The following DAGLA variants were observed in gnomAD, a reference collection of about 807,000 sequenced individuals.
DAGLA encodes the protein diacylglycerol lipase alpha, also known as diacylglycerol lipase-alpha.
A neutral mutation model predicts 102.6 loss-of-function variants in DAGLA; 22 were observed. The observed-to-expected ratio is 0.21, with a 90% CI of 0.15 to 0.31. The LOEUF (loss-of-function observed/expected upper bound fraction) is 0.31. DAGLA is among the 10% of genes least tolerant of loss of function. The pLI is 1.00. For synonymous variants in DAGLA, 578 were observed against 628.9 expected (o/e 0.92, Z 1.21); for missense variants, 927 against 1,446.6 (o/e 0.64, Z 5.83).
At chr11:61,714,544 T>C (rs1423568795) in intron 1 of DAGLA, among the ~76,000 whole-genome samples, 1 of 152,252 alleles carries the variant, frequency 6.6e-6, no homozygotes, top group Non-Finnish European at 1.5e-5. Context: ...AGAGAGGATC[T>C]CAGCCCAGGC....
At chr11:61,694,654 C>T (rs1355201243) in intron 1 of DAGLA, among the ~76,000 whole-genome samples, 3 of 152,248 alleles carry the variant, frequency 2.0e-5, no homozygotes, top group Admixed American at 2.0e-4. Context: ...CCATTTCCGG[C>T]AGCCCTGAAT....
At chr11:61,700,327 C>T (rs2065099776) in intron 1 of DAGLA, among the ~76,000 whole-genome samples, 1 of 152,210 alleles carries the variant, frequency 6.6e-6, no homozygotes, top group Non-Finnish European at 1.5e-5. Context: ...GGCCCTCCTG[C>T]AAGGAGAGCC....
chr11:61,725,034 G>A (rs1223787782), intron 5 of DAGLA, among the ~76,000 whole-genome samples: 1 of 152,110 alleles, frequency 6.6e-6, no homozygotes, highest in Non-Finnish European at 1.5e-5. Context: ...GCTCAAAAAG[G>A]GCCTGGCCTG....
At chr11:61,718,395 C>G (rs1283915812) in intron 1 of DAGLA, among the ~76,000 whole-genome samples, 1 of 152,186 alleles carries the variant, frequency 6.6e-6, no homozygotes, top group African/African-American at 2.4e-5. Flanking sequence ...GCACCTTACC[C>G]TCTGTGAGCT....
intron 1 of DAGLA, among the ~76,000 whole-genome samples, chr11:61,704,124 T>TC (rs67820258): frequency 0.58 from 86,747 of 149,052 alleles, 25,897 homozygotes; most frequent in Non-Finnish European, 0.65. Context: ...AGAATTTCTT[T>TC]TTTTTTTTTT....
At chr11:61,708,060 T>C (rs988128372) in intron 1 of DAGLA, among the ~76,000 whole-genome samples, 1 of 152,168 alleles carries the variant, frequency 6.6e-6, no homozygotes, top group Middle Eastern at 3.2e-3. Context: ...CAGGCTGGAG[T>C]GCAGTGACGC....
In DAGLA at chr11:61,735,641, C is replaced by T. The variant is rs767810279; in HGVS notation, c.1209C>T (p.Pro403=). Residue 403 remains proline, a synonymous_variant, in exon 11 of 20, where the codon CCC becomes CCT. Transcript: ENST00000257215. Reference sequence around the variant, plus strand: ...TCAGTATCCGGGGGACCCTGTCCCCCAAGGTACGCTGCCCATGGCTCCCAG... The same window carrying T: ...TCAGTATCCGGGGGACCCTGTCCCCTAAGGTACGCTGCCCATGGCTCCCAG... ...VVISIRGTLS[P]KDALTDLTGD... The T allele has an allele frequency of 9.3e-6, 15 of 1,613,900 alleles. No homozygotes were observed. Among genetic ancestry groups the T allele is most frequent in the Middle Eastern group, 1.6e-4 (1 of 6,082 alleles).
intron 13 of DAGLA, among the ~76,000 whole-genome samples, chr11:61,736,930 A>G (rs567696451): frequency 3.3e-4 from 50 of 152,374 alleles, no homozygotes; most frequent in African/African-American, 1.2e-3. Flanking sequence ...CTGGAAAATC[A>G]GAAGGGCTTC....
intron 1 of DAGLA, among the ~76,000 whole-genome samples, chr11:61,712,616 G>A (rs1230711914): frequency 6.6e-6 from 1 of 152,198 alleles, no homozygotes; most frequent in Non-Finnish European, 1.5e-5. Context: ...TGTGAAAAGC[G>A]ACAGCTTTCA....
rs535659519 is a variant in DAGLA at position 61,718,785 on chromosome 11, G to A, written c.-44-1327G>A. ...CCGCCAGCCCGCCAGGCCACAGCTC[G>A]CCAAGTGGCTGCACCGGGGATAGGG... is the stretch of plus-strand genomic sequence containing the variant. On this transcript the variant is annotated intron_variant, in intron 1 of 19. Transcript: ENST00000257215. Among the ~76,000 whole-genome samples the A allele has an allele frequency of 3.1e-4, 47 of 152,310 alleles. 1 individual carries two copies. In the South Asian group the frequency reaches 6.8e-3, roughly 22 times the overall value.
intron 8 of DAGLA, 101 bp from the exon 9 acceptor site, chr11:61,731,216 A>C: frequency 3.5e-6 from 5 of 1,448,908 alleles, no homozygotes; most frequent in Middle Eastern, 1.8e-4. Context: ...CCTCCCTGCC[A>C]GGGGTTGGGT....
chr11:61,689,919 C>G (rs1253987963), intron 1 of DAGLA, among the ~76,000 whole-genome samples: 3 of 152,200 alleles, frequency 2.0e-5, no homozygotes, highest in African/African-American at 7.2e-5. Context: ...CACAAAGCCC[C>G]TCAGCCCTTT....
intron 10 of DAGLA, 121 bp from the exon 11 acceptor site, chr11:61,735,440 G>A: frequency 1.2e-6 from 1 of 849,026 alleles, no homozygotes. Flanking sequence ...CTTTCTGGCG[G>A]CAGAGGCTCC....
rs562357724 is a variant in DAGLA at position 61,694,728 on chromosome 11, T to C, written c.-45+14224T>C. Among the ~76,000 whole-genome samples the C allele has an allele frequency of 2.0e-5, 3 of 152,144 alleles. No homozygotes were observed. The South Asian group carries it at 6.2e-4, about 32-fold the overall frequency. On this transcript the variant is annotated intron_variant, in intron 1 of 19. Coordinates refer to ENST00000257215, the MANE Select transcript of DAGLA (RefSeq NM_006133.3). Reference sequence around the variant, plus strand: ...CCGTGGGGAGGAAGGGTGGGAGAAATCCATTCAAGTCATTTGTTTTAAAGA... The same window carrying C: ...CCGTGGGGAGGAAGGGTGGGAGAAACCCATTCAAGTCATTTGTTTTAAAGA...
intron 1 of DAGLA, among the ~76,000 whole-genome samples, chr11:61,709,062 G>A (rs138123600): frequency 9.8e-5 from 15 of 152,300 alleles, no homozygotes; most frequent in Non-Finnish European, 2.1e-4. Context: ...TGGCTCAGGC[G>A]AGGGGAGGAA....
intron 1 of DAGLA, among the ~76,000 whole-genome samples, chr11:61,718,803 G>T (rs1158856615): frequency 6.6e-6 from 1 of 152,208 alleles, no homozygotes; most frequent in Non-Finnish European, 1.5e-5. Context: ...GCTGCACCGG[G>T]GATAGGGAGG....
At chr11:61,696,104 A>G (rs921840758) in intron 1 of DAGLA, among the ~76,000 whole-genome samples, 1 of 152,166 alleles carries the variant, frequency 6.6e-6, no homozygotes, top group African/African-American at 2.4e-5. Flanking sequence ...GGAGCAGGAA[A>G]TGAGAGTGGG....
chr11:61,707,722 C>T lies in DAGLA; in HGVS notation c.-44-12390C>T, dbSNP rs1034293911. ...GTCGGGGCGGAGTGCCCAAAGCAAG[C>T]GGGGCCATCTGGAGAGGAGGAAATG... On this transcript the variant is annotated intron_variant, in intron 1 of 19. Transcript: ENST00000257215. Among the ~76,000 whole-genome samples, 8 of 152,256 alleles carry T rather than the reference C, an allele frequency of 5.3e-5. No homozygotes were observed. The South Asian group carries it at 6.2e-4, about 12-fold the overall frequency.
intron 1 of DAGLA, among the ~76,000 whole-genome samples, chr11:61,694,541 C>T (rs147809091): frequency 6.6e-6 from 1 of 152,340 alleles, no homozygotes; most frequent in Non-Finnish European, 1.5e-5. Flanking sequence ...CTTTGTGCCT[C>T]TGCGCCGGCT....
Sources: gnomAD v4.1 joint callset for allele counts (sites outside exome capture counted in the v4.1 genomes callset) on GRCh38, gnomAD v4.1.1 for gene constraint, MANE v1.5 for transcripts, NCBI Gene and HGNC (gene_info 2026-07-23, HGNC 2026-07-21) for gene names.